Variants in TOPBP1 observed in about 807,000 individuals in gnomAD.
TOPBP1 encodes DNA topoisomerase 2-binding protein 1.
A neutral mutation model predicts 167.7 loss-of-function variants in TOPBP1; 28 were observed. The observed-to-expected ratio is 0.17, with a 90% CI of 0.12 to 0.23. The LOEUF is 0.23. Ranked by LOEUF, TOPBP1 falls within the 10% of genes least tolerant of loss-of-function variation. The probability of loss-of-function intolerance (pLI) is 1.00; values close to 1 mark genes in which losing one functional copy is unlikely to be tolerated. For synonymous variants in TOPBP1, 598 were observed against 611.4 expected, an observed-to-expected ratio of 0.98 and a Z score of 0.32; for missense variants, 1,554 against 1,809.6, an observed-to-expected ratio of 0.86 and a Z score of 2.56.
rs369767866 is a variant in TOPBP1, at chr3:133,653,770, C to A, written c.743-246G>T. The stretch of plus-strand genomic sequence containing the variant: ...TCAGCCTCCTGAATAGCTAGGATTA[C>A]AGACGTGTGCCACCATGTCTGGCTA... On this transcript the variant is annotated intron_variant, in intron 6 of 27. Transcript: ENST00000260810. 1.2e-4 allele frequency among the ~76,000 whole-genome samples: 18 copies of A among 152,060 alleles called. No homozygotes were observed. In the East Asian group the frequency reaches 2.7e-3, roughly 23 times the overall value.
chr3:133,659,034 G>A lies in TOPBP1; in HGVS notation c.201C>T (p.Val67=), dbSNP rs1936586432. Residue 67 remains valine, a synonymous_variant, in exon 3 of 28, where the codon GTC becomes GTT. Coordinates refer to ENST00000260810, the MANE Select transcript of TOPBP1 (RefSeq NM_007027.4). ...LYICDPFSGV[V]FDHLKKLGCR... Reference sequence around the variant, plus strand: ...AGCAAACCTTTTTGAGGTGATCAAAGACAACGCCACTAAAAGGGTCACAGA... The same window carrying A: ...AGCAAACCTTTTTGAGGTGATCAAAAACAACGCCACTAAAAGGGTCACAGA... 3 of 1,600,020 alleles carry A rather than the reference G, an allele frequency of 1.9e-6. No individual in the cohort carries two copies. Among genetic ancestry groups the A allele is most frequent in the Non-Finnish European group, 2.6e-6 (3 of 1,173,400 alleles).
intron 6 of TOPBP1, 32 bp downstream of exon 6, chr3:133,655,258 T>C (rs780960419): frequency 7.8e-6 from 10 of 1,289,448 alleles, no homozygotes; most frequent in Non-Finnish European, 1.0e-5. Flanking sequence ...GAGAAAATGT[T>C]TCATTTGTCC....
chr3:133,620,488 T>A, intron 19 of TOPBP1, 141 bp from the exon 20 acceptor site: 1 of 822,288 alleles, frequency 1.2e-6, no homozygotes, highest in South Asian at 1.9e-5. Flanking sequence ...GCTATAGTAA[T>A]GTACTAAAAC....
At chr3:133,632,656 T>C (rs1413050665) in intron 14 of TOPBP1, among the ~76,000 whole-genome samples, 5 of 152,178 alleles carry the variant, frequency 3.3e-5, no homozygotes, top group Non-Finnish European at 7.4e-5. Context: ...ACTAGTACCT[T>C]CCTCTACTTA....
chr3:133,612,681 G>A, intron 23 of TOPBP1, 129 bp from the exon 24 acceptor site: 1 of 679,690 alleles, frequency 1.5e-6, no homozygotes, highest in Non-Finnish European at 2.2e-6. Flanking sequence ...AAAAAAACTT[G>A]ACTTACTTAG....
At chr3:133,610,510 A>G (rs952704565) in intron 25 of TOPBP1, among the ~76,000 whole-genome samples, 3 of 149,372 alleles carry the variant, frequency 2.0e-5, no homozygotes, top group Non-Finnish European at 4.5e-5. Flanking sequence ...AATGCAAAAC[A>G]GAAACATGTG....
chr3:133,606,881 A>C (rs1934510989), intron 27 of TOPBP1, among the ~76,000 whole-genome samples: 1 of 152,178 alleles, frequency 6.6e-6, no homozygotes, highest in Non-Finnish European at 1.5e-5. Flanking sequence ...AGAGCTAAAC[A>C]TAAAAGCTAA....
chr3:133,657,424 CA>C (rs1483978656), intron 4 of TOPBP1, among the ~76,000 whole-genome samples: 1 of 149,442 alleles, frequency 6.7e-6, no homozygotes, highest in Non-Finnish European at 1.5e-5. Context: ...CTCTGTCACC[CA>C]GGCTGCAGTG....
In TOPBP1 at chr3:133,640,084, G is replaced by C. The variant is rs1326991768; in HGVS notation, c.2108C>G (p.Ser703Cys). Reference sequence around the variant, plus strand: ...CCACTTCTTTGCAGCTTCATATTTAGAGCCACCACGTTCTTTCAGTATAAG... The same window carrying C: ...CCACTTCTTTGCAGCTTCATATTTACAGCCACCACGTTCTTTCAGTATAAG... ...THLILKERGG[S>C]KYEAAKKWNL... The change falls in exon 13 of 28, where the codon TCT becomes TGT. Residue 703 changes from serine (S) to cysteine (C), a missense_variant. Physicochemically the swap from Ser to Cys is moderately radical, Grantham distance 112 (BLOSUM62 -1). Around this residue, in one of 3 missense-constraint regions of TOPBP1, gnomAD observed 1,197 missense variants for 1,351.5 expected, o/e 0.89. Coordinates refer to ENST00000260810, the MANE Select transcript of TOPBP1 (RefSeq NM_007027.4). The C allele has an allele frequency of 3.7e-6, 6 of 1,613,764 alleles. No homozygotes were observed. The highest frequency in any genetic ancestry group is 4.5e-5 in the East Asian group (2 of 44,872).
chr3:133,642,920 T>A (rs1444947334), intron 12 of TOPBP1, among the ~76,000 whole-genome samples: 1 of 152,196 alleles, frequency 6.6e-6, no homozygotes, highest in African/African-American at 2.4e-5. Flanking sequence ...TTACTTTATT[T>A]GGTGTCATTA....
chr3:133,643,255 A>T lies in TOPBP1; in HGVS notation c.1966T>A (p.Cys656Ser). The T allele has an allele frequency of 2.5e-6, 4 of 1,611,398 alleles. No homozygotes were observed. Among genetic ancestry groups the T allele is most frequent in the Non-Finnish European group, 3.4e-6 (4 of 1,178,928 alleles). ...AAAGACTCTTTTTCTGCTCCAGCAC[A>T]CTGGCTAAATGAAATAACACAATCC... Reference protein sequence around the residue: ...LEDCVISFSQCAGAEKESLTF... With the variant: ...LEDCVISFSQSAGAEKESLTF... The change falls in exon 12 of 28, where the codon TGT (cysteine) becomes AGT (serine). Residue 656 changes from cysteine to serine, a missense_variant. By Grantham distance (112) the Cys-to-Ser change is moderately radical. Around this residue, in one of 3 missense-constraint regions of TOPBP1, gnomAD observed 1,197 missense variants for 1,351.5 expected, o/e 0.89. Coordinates refer to ENST00000260810, the MANE Select transcript of TOPBP1 (RefSeq NM_007027.4).
intron 16 of TOPBP1, among the ~76,000 whole-genome samples, chr3:133,627,368 A>AAACGAGAT (rs1935302126): frequency 6.6e-6 from 1 of 152,202 alleles, no homozygotes; most frequent in Admixed American, 6.5e-5. Context: ...TATGAGAATG[A>AAACGAGAT]AACGAGATAA....
At position 133,623,355 on chromosome 3, in the gene TOPBP1, T is replaced by C. The variant is rs1353588872; in HGVS notation, c.3031A>G (p.Asn1011Asp). ...GACACAGCTGAGAGTAGTCGACTAT[T>C]ACAGAGCCGGCCATCTTGCACTGCG... ...ISAVQDGRLCNSRLLSAVSST... is the reference protein window; with the variant it reads ...ISAVQDGRLCDSRLLSAVSST... The change falls in exon 18 of 28, where the codon AAT (asparagine) becomes GAT (aspartate). Residue 1011 changes from asparagine to aspartate, a missense_variant. By Grantham distance (23) the Asn-to-Asp change is conservative (BLOSUM62 1). Coordinates refer to ENST00000260810, the MANE Select transcript of TOPBP1 (RefSeq NM_007027.4). 6.2e-7 allele frequency: 1 copy of C among 1,613,562 alleles called. No homozygotes were observed. The highest frequency in any genetic ancestry group is 8.5e-7 in the Non-Finnish European group (1 of 1,179,772).
At chr3:133,616,221 G>A (rs1354534338) in intron 23 of TOPBP1, among the ~76,000 whole-genome samples, 2 of 151,630 alleles carry the variant, frequency 1.3e-5, no homozygotes, top group Non-Finnish European at 2.9e-5. Flanking sequence ...CCAGGTTCAA[G>A]CGATTCTCTT....
chr3:133,623,543 A>G lies in TOPBP1; in HGVS notation c.2929-86T>C, dbSNP rs1296192577. The G allele has an allele frequency of 1.0e-5, 14 of 1,402,036 alleles. No homozygotes were observed. The Middle Eastern group carries it at 6.4e-4, about 64-fold the overall frequency. 86.8% of individuals were successfully genotyped at this position (1,402,036 alleles called of 1,614,324 possible). A position where few individuals can be genotyped will look rare whatever the true frequency, so the allele number is the denominator to read the frequency against. On this transcript the variant is annotated intron_variant, in intron 17 of 27. Transcript: ENST00000260810. ...TAAGTAGGATAAGGACAAGCAATAC[A>G]TTATACTGTAATATGGCAAAAAGTT...
In TOPBP1 at chr3:133,623,364, G is replaced by A. The variant is rs369186269; in HGVS notation, c.3022C>T (p.Arg1008Trp). The change falls in exon 18 of 28, where the codon CGG (arginine) becomes TGG (tryptophan). Residue 1008 changes from arginine to tryptophan, a missense_variant. Around this residue, in one of 3 missense-constraint regions of TOPBP1, gnomAD observed 1,197 missense variants for 1,351.5 expected, o/e 0.89. Transcript: ENST00000260810. Reference protein sequence around the residue: ...SLDISAVQDGRLCNSRLLSAV... With the variant: ...SLDISAVQDGWLCNSRLLSAV... Reference sequence around the variant, plus strand: ...GAGAGTAGTCGACTATTACAGAGCCGGCCATCTTGCACTGCGCTGATATCC... The same window carrying A: ...GAGAGTAGTCGACTATTACAGAGCCAGCCATCTTGCACTGCGCTGATATCC... 5.4e-5 allele frequency: 87 copies of A among 1,613,266 alleles called. No individual in the cohort carries two copies. The highest frequency in any genetic ancestry group is 1.2e-4 in the Admixed American group (7 of 59,918).
At chr3:133,620,388 CTT>C in intron 19 of TOPBP1, 41 bp from the exon 20 acceptor site, 2 of 1,578,928 alleles carry the variant, frequency 1.3e-6, no homozygotes, top group Non-Finnish European at 8.6e-7. Flanking sequence ...GTAAGTTCCT[CTT>C]TTTTACCATA....
intron 5 of TOPBP1, 86 bp from the exon 6 acceptor site, chr3:133,655,572 C>A: frequency 8.3e-6 from 6 of 719,950 alleles, no homozygotes; most frequent in Non-Finnish European, 1.2e-5. Context: ...TATTGCTTCC[C>A]TCATTTTTTA....
intron 13 of TOPBP1, 31 bp from the exon 14 acceptor site, chr3:133,638,193 T>C (rs1935745812): frequency 6.2e-7 from 1 of 1,602,104 alleles, no homozygotes; most frequent in Non-Finnish European, 8.5e-7. Flanking sequence ...GAAACAAATA[T>C]GAGCCACTAA....
Sources: gnomAD v4.1 joint callset for allele counts (sites outside exome capture counted in the v4.1 genomes callset) on GRCh38, gnomAD v4.1.1 for gene constraint, gnomAD v4.1.1 regional missense constraint, MANE v1.5 for transcripts, NCBI Gene and HGNC (gene_info 2026-07-23, HGNC 2026-07-21) for gene names.